Variants in SPAG16 observed in about 807,000 individuals in gnomAD.
The protein encoded by SPAG16 is sperm associated antigen 16.
Under a neutral mutation model 80.4 loss-of-function variants are expected in SPAG16, and 86 were observed. The observed-to-expected ratio is 1.07, with a 90% confidence interval of 0.90 to 1.28. SPAG16 has a LOEUF of 1.28. SPAG16 is among the 50% of genes most tolerant of loss of function. SPAG16 has a pLI of 0.00. For synonymous variants in SPAG16, 294 were observed against 265.9 expected (o/e 1.11, Z -1.03); for missense variants, 870 against 765.3 (o/e 1.14, Z -1.61).
chr2:214,278,896 G>A (rs893135173), intron 15 of SPAG16, among the ~76,000 whole-genome samples: 5 of 152,124 alleles, frequency 3.3e-5, no homozygotes, highest in Non-Finnish European at 5.9e-5. Context: ...CCTAAATGTG[G>A]AACTGTGATT....
intron 15 of SPAG16, among the ~76,000 whole-genome samples, chr2:214,282,308 A>G (rs1055769810): frequency 6.6e-6 from 1 of 152,180 alleles, no homozygotes; most frequent in African/African-American, 2.4e-5. Flanking sequence ...GTTATCAGAA[A>G]AAAAGAAAAT....
chr2:214,176,475 GGC>G (rs2057083843), intron 15 of SPAG16, among the ~76,000 whole-genome samples: 1 of 151,032 alleles, frequency 6.6e-6, no homozygotes, highest in South Asian at 2.1e-4. Context: ...TTTCCAAGTA[GGC>G]TACTAAGCGG....
intron 11 of SPAG16, among the ~76,000 whole-genome samples, chr2:213,887,864 T>C (rs1427359): frequency 0.27 from 40,452 of 151,682 alleles, 5,905 homozygotes; most frequent in Middle Eastern, 0.42. Flanking sequence ...CTTTATCTTT[T>C]CCACTTTTTC....
At chr2:213,949,178 T>TGTTTTTTTTTTTTTTTGTTTTTTTTTG (rs1182399257) in intron 12 of SPAG16, among the ~76,000 whole-genome samples, 2 of 19,150 alleles carry the variant, frequency 1.0e-4, no homozygotes, top group African/African-American at 1.9e-4. Flanking sequence ...AGTTTTTTTT[T>TGTTTTTTTTTTTTTTTGTTTTTTTTTG]TTTTTTTTTT....
chr2:213,681,437 G>A (rs547614072), intron 10 of SPAG16, among the ~76,000 whole-genome samples: 7 of 152,262 alleles, frequency 4.6e-5, no homozygotes, highest in African/African-American at 1.7e-4. Context: ...TCTCTTGAGA[G>A]TCTTGACTTT....
chr2:214,384,229 GA>G (rs1429704849), intron 15 of SPAG16, among the ~76,000 whole-genome samples: 3 of 152,182 alleles, frequency 2.0e-5, no homozygotes, highest in African/African-American at 7.2e-5. Context: ...ATGAAGGCAT[GA>G]CAATGCCTAT....
intron 9 of SPAG16, among the ~76,000 whole-genome samples, chr2:213,460,082 T>G (rs1173746074): frequency 2.0e-5 from 3 of 152,236 alleles, no homozygotes; most frequent in Non-Finnish European, 4.4e-5. Flanking sequence ...CTGGTCTTCC[T>G]GTTTCTTCAT....
chr2:213,723,368 A>G (rs2066613872), intron 10 of SPAG16, among the ~76,000 whole-genome samples: 1 of 152,208 alleles, frequency 6.6e-6, no homozygotes, highest in Non-Finnish European at 1.5e-5. Flanking sequence ...TAGGAAACCC[A>G]CTGTGTTTGC....
intron 11 of SPAG16, among the ~76,000 whole-genome samples, chr2:213,908,026 A>G (rs1374925246): frequency 6.6e-6 from 1 of 152,210 alleles, no homozygotes; most frequent in Non-Finnish European, 1.5e-5. Context: ...TTCCCAACAC[A>G]AAGAAATGAT....
At chr2:213,396,220 C>G (rs2068026121) in intron 9 of SPAG16, among the ~76,000 whole-genome samples, 1 of 152,000 alleles carries the variant, frequency 6.6e-6, no homozygotes, top group South Asian at 2.1e-4. Context: ...TTGCTAAATT[C>G]CTAAAAAAAT....
At chr2:213,363,663 C>G (rs1478683818) in intron 7 of SPAG16, among the ~76,000 whole-genome samples, 1 of 151,992 alleles carries the variant, frequency 6.6e-6, no homozygotes, top group Non-Finnish European at 1.5e-5. Context: ...GGAATAAAAA[C>G]AACCTCTTCA....
In SPAG16 at chr2:213,610,567, G is replaced by T. The variant is rs542859115; in HGVS notation, c.1070+120477G>T. 1.8e-4 allele frequency among the ~76,000 whole-genome samples: 27 copies of T among 152,242 alleles called. No homozygotes were observed. In the South Asian group the frequency reaches 5.4e-3, roughly 30 times the overall value. On this transcript the variant is annotated intron_variant, in intron 10 of 15. Coordinates refer to ENST00000331683, the MANE Select transcript of SPAG16 (RefSeq NM_024532.5). ...TTTCTGTAACCTTGCTACAGGAAAA[G>T]GGTCCCAATCCAGACCCCAAAAGAG...
intron 12 of SPAG16, among the ~76,000 whole-genome samples, chr2:213,966,051 G>A (rs1475550607): frequency 1.3e-5 from 2 of 152,198 alleles, no homozygotes; most frequent in Admixed American, 6.5e-5. Context: ...AGATCTGTTA[G>A]CATTAGAATA....
intron 13 of SPAG16, among the ~76,000 whole-genome samples, chr2:214,101,242 G>C (rs546412112): frequency 6.6e-6 from 1 of 151,850 alleles, no homozygotes; most frequent in Non-Finnish European, 1.5e-5. Flanking sequence ...TAGGGTTCAC[G>C]GTCAGTCAGG....
intron 10 of SPAG16, among the ~76,000 whole-genome samples, chr2:213,605,292 A>G (rs1247124333): frequency 6.9e-6 from 1 of 144,406 alleles, no homozygotes; most frequent in Non-Finnish European, 1.5e-5. Context: ...TTTGAGATGG[A>G]GTCTCGCACT....
At chr2:213,534,597 C>G (rs956308762) in intron 10 of SPAG16, among the ~76,000 whole-genome samples, 1 of 151,902 alleles carries the variant, frequency 6.6e-6, no homozygotes, top group Non-Finnish European at 1.5e-5. Flanking sequence ...AGACGAATCC[C>G]AAAAACATAC....
chr2:213,340,671 G>A (rs1344883110), intron 6 of SPAG16, among the ~76,000 whole-genome samples: 2 of 152,130 alleles, frequency 1.3e-5, no homozygotes, highest in African/African-American at 4.8e-5. Context: ...GAAAAAACAT[G>A]TTACGTTCAT....
intron 15 of SPAG16, among the ~76,000 whole-genome samples, chr2:214,373,093 G>A (rs1194745343): frequency 6.6e-6 from 1 of 152,122 alleles, no homozygotes; most frequent in African/African-American, 2.4e-5. Context: ...TAATATTTAT[G>A]AAATCCTGGT....
chr2:214,245,443 T>C (rs534002714), intron 15 of SPAG16, among the ~76,000 whole-genome samples: 1 of 152,280 alleles, frequency 6.6e-6, no homozygotes, highest in Non-Finnish European at 1.5e-5. Flanking sequence ...AAAAATTAGA[T>C]GTTTAAAAAA....
Sources: allele counts gnomAD v4.1 joint callset (sites outside exome capture counted in the v4.1 genomes callset), GRCh38; gene constraint gnomAD v4.1.1; transcripts MANE v1.5; gene names NCBI Gene and HGNC (gene_info 2026-07-23, HGNC 2026-07-21).